Variants in SNTG1 observed in about 807,000 individuals in gnomAD.
SNTG1 encodes the protein gamma-1-syntrophin.
In SNTG1, 39 loss-of-function variants were observed where a neutral mutation model predicts 74.7. That is an observed-to-expected ratio of 0.52 (90% CI 0.40 to 0.68). SNTG1 has a LOEUF of 0.68. Ranked by LOEUF, SNTG1 falls within the 30% of genes least tolerant of loss-of-function variation. The probability of loss-of-function intolerance (pLI) is 0.00; values close to 1 mark genes in which losing one functional copy is unlikely to be tolerated. For missense variants in SNTG1, 685 were observed against 609.5 expected (o/e 1.12, Z -1.30); for synonymous variants, 254 against 217.1 (o/e 1.17, Z -1.49).
At chr8:50,262,988 C>A (rs1353479189) in intron 2 of SNTG1, among the ~76,000 whole-genome samples, 1 of 152,198 alleles carries the variant, frequency 6.6e-6, no homozygotes, top group East Asian at 1.9e-4. Flanking sequence ...AGTTAAAATA[C>A]TCTGTTTAAT....
chr8:50,235,822 T>C (rs1444339617), intron 2 of SNTG1, among the ~76,000 whole-genome samples: 1 of 152,116 alleles, frequency 6.6e-6, no homozygotes, highest in Non-Finnish European at 1.5e-5. Context: ...TCGGTTTTCT[T>C]ATTTTCCTCC....
chr8:50,498,331 G>A (rs989183554), intron 8 of SNTG1, among the ~76,000 whole-genome samples: 1 of 151,740 alleles, frequency 6.6e-6, no homozygotes, highest in African/African-American at 2.4e-5. Flanking sequence ...TCTCATTATA[G>A]TTTTAATTTA....
At position 50,792,830 on chromosome 8, in the gene SNTG1, C is replaced by A. The variant is rs773242652; in HGVS notation, c.*1C>A. 1 of 1,610,968 alleles carries A rather than the reference C, an allele frequency of 6.2e-7. No homozygotes were observed. The highest frequency in any genetic ancestry group is 1.1e-5 in the South Asian group (1 of 90,824). ...GAGCAAAGCAAAGTATACAACTTGACATACTGAACTCTTCATTGACACACC... is the reference window on the plus strand; with the variant it reads ...GAGCAAAGCAAAGTATACAACTTGAAATACTGAACTCTTCATTGACACACC... On this transcript the variant is annotated 3_prime_UTR_variant, in exon 19 of 19. Transcript: ENST00000642720.
intron 1 of SNTG1, among the ~76,000 whole-genome samples, chr8:49,917,694 C>T (rs1387848912): frequency 1.3e-5 from 2 of 152,158 alleles, no homozygotes; most frequent in Non-Finnish European, 2.9e-5. Context: ...CTCATCACCA[C>T]ATAGTTCTTT....
intron 8 of SNTG1, among the ~76,000 whole-genome samples, chr8:50,474,667 G>C (rs1179744422): frequency 6.6e-6 from 1 of 152,074 alleles, no homozygotes; most frequent in African/African-American, 2.4e-5. Context: ...AAGTCGGTGT[G>C]GCAATTCCTC....
chr8:50,357,224 C>T (rs1227079322), intron 2 of SNTG1, among the ~76,000 whole-genome samples: 1 of 152,108 alleles, frequency 6.6e-6, no homozygotes, highest in Non-Finnish European at 1.5e-5. Flanking sequence ...GTGCTTCTCC[C>T]TGGGGTCTCC....
chr8:50,371,078 G>A (rs1011827992), intron 2 of SNTG1, among the ~76,000 whole-genome samples: 2 of 152,130 alleles, frequency 1.3e-5, no homozygotes, highest in Non-Finnish European at 2.9e-5. Flanking sequence ...TTCTATAGGT[G>A]AACCACAGCA....
chr8:50,381,894 G>A (rs186615131), intron 2 of SNTG1: 25 of 145,878 alleles, frequency 1.7e-4, no homozygotes, highest in Admixed American at 1.6e-3. Flanking sequence ...CAATCATAAC[G>A]TCCCACAATA....
chr8:50,516,043 G>C (rs377290822), intron 9 of SNTG1, among the ~76,000 whole-genome samples: 5 of 152,208 alleles, frequency 3.3e-5, no homozygotes, highest in East Asian at 3.9e-4. Flanking sequence ...TCATACAGGA[G>C]AGCTCTGGCT....
At chr8:50,687,934 T>C (rs1310464990) in intron 15 of SNTG1, among the ~76,000 whole-genome samples, 1 of 152,254 alleles carries the variant, frequency 6.6e-6, no homozygotes, top group Admixed American at 6.5e-5. Flanking sequence ...CCTGACTTTT[T>C]AATGATCGCC....
chr8:50,242,592 C>CTTGTA (rs2086214361), intron 2 of SNTG1, among the ~76,000 whole-genome samples: 1 of 149,962 alleles, frequency 6.7e-6, no homozygotes, highest in Admixed American at 6.7e-5. Flanking sequence ...TTTATGGAAG[C>CTTGTA]TTGTATATTG....
chr8:50,553,453 T>C (rs1454544850), intron 12 of SNTG1, among the ~76,000 whole-genome samples: 1 of 152,164 alleles, frequency 6.6e-6, no homozygotes, highest in Non-Finnish European at 1.5e-5. Context: ...CCTAAATATA[T>C]TTAAGTAAAA....
At chr8:50,279,530 A>T (rs1344772105) in intron 2 of SNTG1, among the ~76,000 whole-genome samples, 2 of 152,172 alleles carry the variant, frequency 1.3e-5, no homozygotes, top group African/African-American at 2.4e-5. Context: ...TTTATCATAT[A>T]TGTGTTTATG....
chr8:50,138,752 G>T (rs2131451152), intron 1 of SNTG1, among the ~76,000 whole-genome samples: 1 of 151,604 alleles, frequency 6.6e-6, no homozygotes, highest in East Asian at 1.9e-4. Context: ...GCAGGCAGTT[G>T]TGTTTTTTCC....
At chr8:50,558,349 G>T (rs1013229946) in intron 12 of SNTG1, among the ~76,000 whole-genome samples, 1 of 152,076 alleles carries the variant, frequency 6.6e-6, no homozygotes, top group Admixed American at 6.6e-5. Flanking sequence ...CTCTTCCCAG[G>T]TCTCTGATCA....
chr8:50,512,151 A>T (rs1316717138), intron 9 of SNTG1, among the ~76,000 whole-genome samples: 3 of 151,830 alleles, frequency 2.0e-5, no homozygotes, highest in Non-Finnish European at 4.4e-5. Context: ...TCTGTAAAGT[A>T]TTTTATTTCT....
intron 2 of SNTG1, among the ~76,000 whole-genome samples, chr8:50,246,944 A>T (rs767525661): frequency 1.3e-5 from 2 of 152,180 alleles, no homozygotes; most frequent in African/African-American, 4.8e-5. Flanking sequence ...ATGCTTCAGG[A>T]TCTTGAACTC....
chr8:50,085,429 A>G (rs1161302727), intron 1 of SNTG1, among the ~76,000 whole-genome samples: 3 of 152,220 alleles, frequency 2.0e-5, no homozygotes, highest in Non-Finnish European at 4.4e-5. Flanking sequence ...TGCAAACAAA[A>G]TATTTTTCTC....
At chr8:50,061,946 A>G (rs961323779) in intron 1 of SNTG1, among the ~76,000 whole-genome samples, 3 of 151,908 alleles carry the variant, frequency 2.0e-5, no homozygotes, top group Non-Finnish European at 4.4e-5. Context: ...TAATGGGTAA[A>G]ATATGGTTGG....
Sources: allele counts gnomAD v4.1 joint callset (sites outside exome capture counted in the v4.1 genomes callset), GRCh38; gene constraint gnomAD v4.1.1; transcripts MANE v1.5; gene names NCBI Gene and HGNC (gene_info 2026-07-23, HGNC 2026-07-21).